Variants in DLGAP2 observed in about 807,000 individuals in gnomAD.
The protein encoded by DLGAP2 is DLG associated protein 2.
A neutral mutation model predicts 100.3 loss-of-function variants in DLGAP2; 26 were observed. The observed-to-expected ratio is 0.26, with a 90% CI of 0.19 to 0.36. The LOEUF is 0.36. DLGAP2 is among the 10% of genes least tolerant of loss of function. The pLI is 1.00. For synonymous variants in DLGAP2, 886 were observed against 630.1 expected (o/e 1.41, Z -6.08); for missense variants, 1,858 against 1,453.2 (o/e 1.28, Z -4.53).
chr8:1,271,684 G>A (rs1001640612), intron 3 of DLGAP2, among the ~76,000 whole-genome samples: 6 of 152,244 alleles, frequency 3.9e-5, no homozygotes, highest in Admixed American at 6.5e-5. Flanking sequence ...AAACAGGGTA[G>A]AGTGGTGTCT....
intron 1 of DLGAP2, among the ~76,000 whole-genome samples, chr8:804,576 G>T (rs7838145): frequency 0.25 from 37,693 of 152,082 alleles, 5,811 homozygotes; most frequent in African/African-American, 0.43. Context: ...GTGCTTATTC[G>T]AAGAAATGAA....
chr8:1,585,740 C>G (rs944361950), intron 6 of DLGAP2, among the ~76,000 whole-genome samples: 1 of 152,172 alleles, frequency 6.6e-6, no homozygotes, highest in Non-Finnish European at 1.5e-5. Flanking sequence ...AGTACTGTAG[C>G]CAGCCTCTCC....
At chr8:1,504,153 T>TC in intron 4 of DLGAP2, among the ~76,000 whole-genome samples, 1 of 151,458 alleles carries the variant, frequency 6.6e-6, no homozygotes, top group African/African-American at 2.5e-5. Context: ...ACCTGATGTA[T>TC]TTGTCTGAGA....
chr8:1,256,187 C>CTG (rs1366254461), intron 2 of DLGAP2, among the ~76,000 whole-genome samples: 102 of 95,046 alleles, frequency 1.1e-3, no homozygotes, highest in African/African-American at 3.9e-3. Context: ...TGCCTGGGTG[C>CTG]TGTGTGTGTC....
intron 3 of DLGAP2, chr8:1,368,708 C>T (rs1019018390): frequency 7.2e-5 from 11 of 152,122 alleles, no homozygotes; most frequent in Non-Finnish European, 1.2e-4. Flanking sequence ...TATGCTACAG[C>T]GTTACCTCAT....
At chr8:1,182,643 T>G (rs910329189) in intron 2 of DLGAP2, among the ~76,000 whole-genome samples, 18 of 152,240 alleles carry the variant, frequency 1.2e-4, no homozygotes, top group African/African-American at 4.3e-4. Flanking sequence ...TGTCCTTCTG[T>G]GACCTCTGCG....
intron 2 of DLGAP2, among the ~76,000 whole-genome samples, chr8:1,097,210 G>A (rs1804406352): frequency 7.8e-6 from 1 of 129,000 alleles, no homozygotes; most frequent in African/African-American, 3.2e-5. Flanking sequence ...GGGAGCCTAG[G>A]GCAGGCCTTC....
chr8:1,191,475 G>A (rs1036816225), intron 2 of DLGAP2, among the ~76,000 whole-genome samples: 6 of 152,166 alleles, frequency 3.9e-5, no homozygotes, highest in Non-Finnish European at 4.4e-5. Context: ...CAGCCGATAC[G>A]TTTTATCTAT....
intron 2 of DLGAP2, among the ~76,000 whole-genome samples, chr8:1,123,005 A>G (rs1021607864): frequency 1.3e-5 from 2 of 152,324 alleles, no homozygotes; most frequent in East Asian, 1.9e-4. Context: ...TAAACTCAGC[A>G]TAATTCTATG....
chr8:1,318,788 C>CT (rs397967277), intron 3 of DLGAP2, among the ~76,000 whole-genome samples: 5 of 131,068 alleles, frequency 3.8e-5, no homozygotes, highest in Admixed American at 3.0e-4. Context: ...GCCCCCCCCC[C>CT]GCCCCCTCGC....
intron 2 of DLGAP2, among the ~76,000 whole-genome samples, chr8:1,212,885 T>G (rs965308875): frequency 1.3e-4 from 19 of 151,836 alleles, no homozygotes; most frequent in African/African-American, 4.6e-4. Flanking sequence ...TCTCTTAGTT[T>G]ATACAACTCT....
intron 2 of DLGAP2, among the ~76,000 whole-genome samples, chr8:1,221,866 C>G (rs184781685): frequency 8.5e-5 from 13 of 152,286 alleles, no homozygotes; most frequent in African/African-American, 3.1e-4. Flanking sequence ...CTCAGAGATT[C>G]TTTCCTCAGC....
At chr8:1,220,254 A>C (rs1010620008) in intron 2 of DLGAP2, among the ~76,000 whole-genome samples, 1 of 152,172 alleles carries the variant, frequency 6.6e-6, no homozygotes, top group East Asian at 1.9e-4. Context: ...TAGTGCTAGA[A>C]ACTTTCCTCT....
At chr8:1,415,601 A>C (rs1384293321) in intron 3 of DLGAP2, among the ~76,000 whole-genome samples, 1 of 152,162 alleles carries the variant, frequency 6.6e-6, no homozygotes, top group Non-Finnish European at 1.5e-5. Context: ...CTTGGGACTA[A>C]GGCCCCCACC....
At chr8:941,800 T>G (rs1266563016) in intron 2 of DLGAP2, among the ~76,000 whole-genome samples, 2 of 150,790 alleles carry the variant, frequency 1.3e-5, no homozygotes, top group Non-Finnish European at 2.9e-5. Context: ...TATATTCTGA[T>G]TCAGTAGCCA....
intron 3 of DLGAP2, among the ~76,000 whole-genome samples, chr8:1,385,665 C>T (rs1402673249): frequency 1.1e-5 from 1 of 91,338 alleles, no homozygotes; most frequent in Non-Finnish European, 2.4e-5. Context: ...ACAGTTACCC[C>T]GGCCTGTGCC....
chr8:759,107 G>GACAGCCTTCCCATTATCAATACCCCCC (rs1820999800), intron 1 of DLGAP2, among the ~76,000 whole-genome samples: 1 of 26,826 alleles, frequency 3.7e-5, no homozygotes, highest in African/African-American at 1.7e-4. Context: ...CAATACCCCC[G>GACAGCCTTCCCATTATCAATACCCCCC]ACAGCCTTCC....
rs2654025 is a variant in DLGAP2, at chr8:950,235, C to A, written c.73+42269C>A. Among the ~76,000 whole-genome samples the A allele has an allele frequency of 5.0e-3, 767 of 152,288 alleles. 3 individuals are homozygous for A. The highest frequency in any genetic ancestry group is 0.014 in the African/African-American group (562 of 41,572). Reference sequence around the variant, plus strand: ...ATCTCAAGATGCAGCTTCTTGATAACATGGTACCAAAAATCATGAGGAAAT... The same window carrying A: ...ATCTCAAGATGCAGCTTCTTGATAAAATGGTACCAAAAATCATGAGGAAAT... On this transcript the variant is annotated intron_variant, in intron 2 of 14. Transcript: ENST00000637795.
At chr8:1,288,009 T>G (rs1277090300) in intron 3 of DLGAP2, among the ~76,000 whole-genome samples, 3 of 125,434 alleles carry the variant, frequency 2.4e-5, no homozygotes, top group African/African-American at 6.6e-5. Flanking sequence ...TGTGTGGTTC[T>G]GTTAGGGGGA....
Sources: gnomAD v4.1 joint callset for allele counts (sites outside exome capture counted in the v4.1 genomes callset) on GRCh38, gnomAD v4.1.1 for gene constraint, MANE v1.5 for transcripts, NCBI Gene and HGNC (gene_info 2026-07-23, HGNC 2026-07-21) for gene names.